Variants in LCLAT1 observed in about 807,000 individuals in gnomAD.
LCLAT1 encodes the protein lysocardiolipin acyltransferase 1.
A neutral mutation model predicts 30.7 loss-of-function variants in LCLAT1; 11 were observed. The ratio of observed to expected loss-of-function variants is 0.36; its 90% confidence interval spans 0.23 to 0.59. The LOEUF (loss-of-function observed/expected upper bound fraction) is 0.59, where lower values mean the gene tolerates loss of function less well. Ranked by LOEUF, LCLAT1 falls within the 20% of genes least tolerant of loss-of-function variation. LCLAT1 has a pLI of 0.77. For missense variants in LCLAT1, 402 were observed against 458.6 expected, an observed-to-expected ratio of 0.88 and a Z score of 1.13; for synonymous variants, 155 against 151.3, an observed-to-expected ratio of 1.02 and a Z score of -0.18.
chr2:30,619,737 T>TC (rs1668155714), intron 5 of LCLAT1, among the ~76,000 whole-genome samples: 2 of 152,178 alleles, frequency 1.3e-5, no homozygotes, highest in African/African-American at 4.8e-5. Context: ...GCCACGAGGA[T>TC]CTTCAGGCAA....
chr2:30,466,697 A>G (rs749280155), intron 1 of LCLAT1, among the ~76,000 whole-genome samples: 1 of 149,250 alleles, frequency 6.7e-6, no homozygotes, highest in Non-Finnish European at 1.5e-5. Context: ...AGATATTCCA[A>G]TTCTACTTAA....
chr2:30,476,520 T>C, intron 1 of LCLAT1: 1 of 456,368 alleles, frequency 2.2e-6, no homozygotes. Flanking sequence ...CTAGGTTGCA[T>C]GTTCCTTAGG....
chr2:30,535,244 A>G (rs934760187), intron 3 of LCLAT1, among the ~76,000 whole-genome samples: 16 of 152,190 alleles, frequency 1.1e-4, no homozygotes, highest in African/African-American at 3.1e-4. Context: ...AAAACAAATA[A>G]TGCCATAAGT....
chr2:30,560,223 T>G (rs1356191382), intron 3 of LCLAT1, among the ~76,000 whole-genome samples: 1 of 152,048 alleles, frequency 6.6e-6, no homozygotes, highest in Non-Finnish European at 1.5e-5. Context: ...TTGTATATGC[T>G]TATTTATATA....
chr2:30,519,485 C>A (rs188923248), intron 1 of LCLAT1, among the ~76,000 whole-genome samples: 45 of 152,248 alleles, frequency 3.0e-4, no homozygotes, highest in African/African-American at 1.0e-3. Flanking sequence ...TTGGGTTTTC[C>A]TGTTGAGAGG....
chr2:30,462,055 AGCCACCGCGCCCG>A (rs1682174477), intron 1 of LCLAT1, among the ~76,000 whole-genome samples: 1 of 151,904 alleles, frequency 6.6e-6, no homozygotes, highest in Non-Finnish European at 1.5e-5. Flanking sequence ...TACAGGCGTG[AGCCACCGCGCCCG>A]GCCTAAATTA....
At chr2:30,525,477 C>G in intron 1 of LCLAT1, 110 bp from the exon 2 acceptor site, 1 of 819,262 alleles carries the variant, frequency 1.2e-6, no homozygotes, top group South Asian at 1.7e-5. Flanking sequence ...TTTCTTAGAG[C>G]CTTTCTGTAG....
intron 5 of LCLAT1, among the ~76,000 whole-genome samples, chr2:30,577,946 A>G (rs1400876302): frequency 4.6e-5 from 7 of 152,162 alleles, no homozygotes; most frequent in African/African-American, 1.4e-4. Flanking sequence ...TTTACTATAT[A>G]TAACATTTTT....
chr2:30,479,575 T>C (rs1683225116), intron 1 of LCLAT1, among the ~76,000 whole-genome samples: 1 of 152,116 alleles, frequency 6.6e-6, no homozygotes. Context: ...TCCATTTAGA[T>C]AAAAGACAGG....
chr2:30,483,979 A>C (rs1254655825), intron 1 of LCLAT1, among the ~76,000 whole-genome samples: 3 of 152,112 alleles, frequency 2.0e-5, no homozygotes, highest in Non-Finnish European at 2.9e-5. Flanking sequence ...AGAATGTTGA[A>C]CTGGATCCTA....
intron 1 of LCLAT1, among the ~76,000 whole-genome samples, chr2:30,511,098 G>T (rs1177021888): frequency 6.6e-6 from 1 of 151,934 alleles, no homozygotes; most frequent in Non-Finnish European, 1.5e-5. Flanking sequence ...CTCATTATCT[G>T]TTCCTAATAA....
chr2:30,598,365 C>G (rs929467765), intron 5 of LCLAT1, among the ~76,000 whole-genome samples: 2 of 149,422 alleles, frequency 1.3e-5, no homozygotes, highest in African/African-American at 4.9e-5. Flanking sequence ...CTGGTTCAGT[C>G]TTGGGAGGGT....
chr2:30,474,904 G>C (rs1461688689), intron 1 of LCLAT1, among the ~76,000 whole-genome samples: 5 of 151,614 alleles, frequency 3.3e-5, no homozygotes, highest in Non-Finnish European at 7.4e-5. Context: ...CTCCCACCTT[G>C]GTCTCTCAAA....
intron 5 of LCLAT1, among the ~76,000 whole-genome samples, chr2:30,569,161 A>G (rs1665656995): frequency 6.6e-6 from 1 of 152,096 alleles, no homozygotes; most frequent in Non-Finnish European, 1.5e-5. Context: ...TCTGCTTCCT[A>G]ATTTGTGGCT....
chr2:30,592,614 G>A (rs1044474656), intron 5 of LCLAT1, among the ~76,000 whole-genome samples: 2 of 152,196 alleles, frequency 1.3e-5, no homozygotes, highest in African/African-American at 2.4e-5. Flanking sequence ...GAGTTGCTAA[G>A]CAGAGTAACA....
rs550445160 is a variant in LCLAT1, at chr2:30,576,652, A to C, written c.628+8476A>C. Among the ~76,000 whole-genome samples, 42 of 152,222 alleles carry C rather than the reference A, an allele frequency of 2.8e-4. No homozygotes were observed. The South Asian group carries it at 6.2e-3, about 23-fold the overall frequency. ...TTATGCCTGCCTTTTGGTTTTATAT[A>C]GTATGCAGTTTCATTGTGAATGTAT... On this transcript the variant is annotated intron_variant, in intron 5 of 5. Transcript: ENST00000379509.
At chr2:30,570,675 A>G (rs1244328252) in intron 5 of LCLAT1, among the ~76,000 whole-genome samples, 2 of 152,218 alleles carry the variant, frequency 1.3e-5, no homozygotes, top group Admixed American at 6.5e-5. Context: ...CCAGATCATT[A>G]AGCACCTTTC....
At chr2:30,639,319 T>A (rs76585777) in intron 5 of LCLAT1, among the ~76,000 whole-genome samples, 19,356 of 152,158 alleles carry the variant, frequency 0.13, 1,364 homozygotes, top group South Asian at 0.23. Context: ...GAGAACATCT[T>A]GAGTGAGGTT....
intron 5 of LCLAT1, among the ~76,000 whole-genome samples, chr2:30,577,622 C>T (rs1666052163): frequency 6.6e-6 from 1 of 152,022 alleles, no homozygotes. Flanking sequence ...ATTTGTTTCT[C>T]AATTTTTGTT....
Sources: allele counts gnomAD v4.1 joint callset (sites outside exome capture counted in the v4.1 genomes callset), GRCh38; gene constraint gnomAD v4.1.1; transcripts MANE v1.5; gene names NCBI Gene and HGNC (gene_info 2026-07-23, HGNC 2026-07-21).